The following UNC5B variants were observed in gnomAD, a reference collection of about 807,000 sequenced individuals.
UNC5B encodes the protein netrin receptor UNC5B.
In UNC5B, 56 loss-of-function variants were observed where a neutral mutation model predicts 103.7. That is an observed-to-expected ratio of 0.54 (90% CI 0.44 to 0.67). UNC5B has a LOEUF of 0.67. UNC5B is among the 30% of genes least tolerant of loss of function. The pLI is 0.00. For missense variants in UNC5B, 1,194 were observed against 1,284.5 expected, an observed-to-expected ratio of 0.93 and a Z score of 1.08; for synonymous variants, 577 against 542.0, an observed-to-expected ratio of 1.06 and a Z score of -0.90.
chr10:71,236,671 C>G (rs1055119841), intron 1 of UNC5B, among the ~76,000 whole-genome samples: 2 of 152,262 alleles, frequency 1.3e-5, no homozygotes, highest in African/African-American at 4.8e-5. Flanking sequence ...CCCGAGCCCC[C>G]ACTGGAGACT....
At chr10:71,289,366 T>A (rs1182082777) in intron 8 of UNC5B, among the ~76,000 whole-genome samples, 4 of 152,186 alleles carry the variant, frequency 2.6e-5, no homozygotes, top group African/African-American at 9.7e-5. Flanking sequence ...CCCTCCTCTC[T>A]GGGCCAAGGC....
At chr10:71,226,401 C>T (rs904876614) in intron 1 of UNC5B, among the ~76,000 whole-genome samples, 2 of 152,206 alleles carry the variant, frequency 1.3e-5, no homozygotes, top group African/African-American at 2.4e-5. Context: ...AACTGAATAA[C>T]AGCCAGATAA....
At chr10:71,214,373 C>CT (rs1044774961) in intron 1 of UNC5B, among the ~76,000 whole-genome samples, 1 of 150,972 alleles carries the variant, frequency 6.6e-6, no homozygotes, top group African/African-American at 2.4e-5. Flanking sequence ...AAGTCCTGTG[C>CT]AGTAGAGTTA....
At chr10:71,296,208 A>C (rs1105172) in intron 14 of UNC5B, among the ~76,000 whole-genome samples, 113,525 of 152,124 alleles carry the variant, frequency 0.75, 44,665 homozygotes, top group East Asian at 0.86. Context: ...CGCACAGACG[A>C]CTATGCCCTT....
chr10:71,296,705 A>G lies in UNC5B; in HGVS notation c.2453A>G (p.Glu818Gly), dbSNP rs773131647. 1.3e-6 allele frequency: 2 copies of G among 1,595,098 alleles called. No homozygotes were observed. Among genetic ancestry groups the G allele is most frequent in the Non-Finnish European group, 1.7e-6 (2 of 1,167,356 alleles). The change falls in exon 15 of 17, where the codon GAG (glutamate) becomes GGG (glycine). Residue 818 changes from glutamate to glycine, a missense_variant. Glu to Gly is a moderately conservative substitution (Grantham distance 98). Coordinates refer to ENST00000335350, the MANE Select transcript of UNC5B (RefSeq NM_170744.5). ...ATCTGCGTGCGGCAAGTGGAAGGGG[A>G]GGGCCAGATATTCCAGCTGCATACC... ...CKICVRQVEG[E>G]GQIFQLHTTL... is the part of the protein sequence containing the mutation.
Position 71,291,128 on chromosome 10 carries a change from C to A in UNC5B, c.1294+19C>A. The stretch of plus-strand genomic sequence containing the variant: ...AGGCCCAGTAAGAACCCGAGGATGT[C>A]TGGGGTGGTTGGCAGAGGCAGGATA... On this transcript the variant is annotated intron_variant, in intron 9 of 16. Coordinates refer to ENST00000335350, the MANE Select transcript of UNC5B (RefSeq NM_170744.5). The A allele has an allele frequency of 1.2e-6, 2 of 1,603,428 alleles. No homozygotes were observed. Among genetic ancestry groups the A allele is most frequent in the Non-Finnish European group, 1.7e-6 (2 of 1,172,242 alleles).
intron 1 of UNC5B, among the ~76,000 whole-genome samples, chr10:71,222,693 G>A (rs1218333108): frequency 6.6e-6 from 1 of 152,172 alleles, no homozygotes. Flanking sequence ...TGCTTTTTCT[G>A]GTCCCTGGTG....
In UNC5B at chr10:71,272,405, C is replaced by T. The variant is rs918690810; in HGVS notation, c.80-7416C>T. ...TCCCAGGCCTGTGGACAAAAGCCAGCGGTGGGGGTTTCAAGGCCTTCCCTA... is the reference window on the plus strand; with the variant it reads ...TCCCAGGCCTGTGGACAAAAGCCAGTGGTGGGGGTTTCAAGGCCTTCCCTA... On this transcript the variant is annotated intron_variant, in intron 1 of 16. Transcript: ENST00000335350. Among the ~76,000 whole-genome samples, 8 of 152,254 alleles carry T rather than the reference C, an allele frequency of 5.3e-5. No individual in the cohort carries two copies. The East Asian group carries it at 1.2e-3, about 22-fold the overall frequency.
intron 1 of UNC5B, among the ~76,000 whole-genome samples, chr10:71,215,367 C>G (rs1467923088): frequency 6.6e-6 from 1 of 152,126 alleles, no homozygotes; most frequent in East Asian, 1.9e-4. Flanking sequence ...AGACTCATAA[C>G]AGACTGAGGC....
chr10:71,291,439 G>A lies in UNC5B; in HGVS notation c.1302G>A (p.Pro434=), dbSNP rs145814778. ...VNFKTARPSN[P]QLLHPSVPPD... Reference sequence around the variant, plus strand: ...TAGCCCCTACTCCTGCAGGCAACCCGCAGCTCCTACACCCCTCTGTGCCTC... The same window carrying A: ...TAGCCCCTACTCCTGCAGGCAACCCACAGCTCCTACACCCCTCTGTGCCTC... Residue 434 remains proline, a synonymous_variant, in exon 10 of 17, where the codon CCG becomes CCA. Coordinates refer to ENST00000335350, the MANE Select transcript of UNC5B (RefSeq NM_170744.5). 20 of 1,603,914 alleles carry A rather than the reference G, an allele frequency of 1.2e-5. No homozygotes were observed. The highest frequency in any genetic ancestry group is 2.2e-5 in the East Asian group (1 of 44,776).
At position 71,299,406 on chromosome 10, in the gene UNC5B, C is replaced by T. The variant is rs1483223717; in HGVS notation, c.*129C>T. The T allele has an allele frequency of 2.6e-6, 3 of 1,157,594 alleles. No individual in the cohort carries two copies. The highest frequency in any genetic ancestry group is 2.4e-5 in the East Asian group (1 of 41,666). The allele number at this position is 1,157,594 out of a possible 1,614,324, so 71.7% of individuals were successfully genotyped here. A position where few individuals can be genotyped will look rare whatever the true frequency, so the allele number is the denominator to read the frequency against. On this transcript the variant is annotated 3_prime_UTR_variant, in exon 17 of 17. Coordinates refer to ENST00000335350, the MANE Select transcript of UNC5B (RefSeq NM_170744.5). ...CACAGCCAGAGTTGCCTCTCCTCCT[C>T]CTCTTCCCCAACCCCCAGACCATGA...
At chr10:71,218,687 G>C (rs1843388892) in intron 1 of UNC5B, among the ~76,000 whole-genome samples, 1 of 152,202 alleles carries the variant, frequency 6.6e-6, no homozygotes, top group Non-Finnish European at 1.5e-5. Flanking sequence ...CCCAGACCTG[G>C]AGTCTTCTGC....
intron 13 of UNC5B, among the ~76,000 whole-genome samples, chr10:71,295,568 CATTT>C (rs1200046532): frequency 6.6e-6 from 1 of 152,204 alleles, no homozygotes; most frequent in Non-Finnish European, 1.5e-5. Flanking sequence ...TCCATCTGTC[CATTT>C]ATTAGTCCCT....
intron 1 of UNC5B, among the ~76,000 whole-genome samples, chr10:71,230,467 A>G (rs1374209912): frequency 2.6e-5 from 4 of 152,226 alleles, no homozygotes; most frequent in African/African-American, 7.2e-5. Context: ...ATTGCTTTCA[A>G]TGTCCTGTCC....
At chr10:71,256,082 A>G (rs1388546478) in intron 1 of UNC5B, among the ~76,000 whole-genome samples, 1 of 152,150 alleles carries the variant, frequency 6.6e-6, no homozygotes, top group Admixed American at 6.5e-5. Context: ...ACAGATAAGG[A>G]AACTTATCTG....
chr10:71,278,401 A>AGG (rs1844824845), intron 1 of UNC5B, among the ~76,000 whole-genome samples: 1 of 151,016 alleles, frequency 6.6e-6, no homozygotes, highest in South Asian at 2.1e-4. Context: ...CCTGGGCCCT[A>AGG]CAGAACATGC....
At chr10:71,293,100 C>T (rs1845308910) in intron 11 of UNC5B, among the ~76,000 whole-genome samples, 3 of 152,198 alleles carry the variant, frequency 2.0e-5, no homozygotes, top group Admixed American at 6.5e-5. Flanking sequence ...AACCAGCTCC[C>T]TGGAGGGCAC....
Position 71,284,709 on chromosome 10 carries a change from T to C in UNC5B, c.305-11T>C, listed in dbSNP as rs1217416382. ...CCCCTGCCCCCTGACGGCTCTCTCT[T>C]CTCCTCCCAGGCCTGCGGGTGCGCG... On this transcript the variant is annotated splice_polypyrimidine_tract_variant and intron_variant, in intron 2 of 16. Coordinates refer to ENST00000335350, the MANE Select transcript of UNC5B (RefSeq NM_170744.5). 15 of 1,613,038 alleles carry C rather than the reference T, an allele frequency of 9.3e-6. No individual in the cohort carries two copies. The highest frequency in any genetic ancestry group is 1.7e-4 in the Middle Eastern group (1 of 5,984).
intron 2 of UNC5B, among the ~76,000 whole-genome samples, chr10:71,282,259 GC>G (rs1472172081): frequency 7.9e-5 from 12 of 152,162 alleles, no homozygotes; most frequent in African/African-American, 1.7e-4. Flanking sequence ...ACAGCTGGGG[GC>G]CAGGAGAGGC....
Sources: gnomAD v4.1 joint callset for allele counts (sites outside exome capture counted in the v4.1 genomes callset) on GRCh38, gnomAD v4.1.1 for gene constraint, MANE v1.5 for transcripts, NCBI Gene and HGNC (gene_info 2026-07-23, HGNC 2026-07-21) for gene names.